The following WWOX variants were observed in gnomAD, a reference collection of about 807,000 sequenced individuals.
The protein encoded by WWOX is WW domain-containing oxidoreductase.
A neutral mutation model predicts 46.2 loss-of-function variants in WWOX; 69 were observed. That is an observed-to-expected ratio of 1.49 (90% confidence interval 1.23 to 1.82). WWOX has a LOEUF of 1.82. Ranked by LOEUF, WWOX falls within the 40% of genes most tolerant of loss-of-function variation. WWOX has a pLI of 0.00. For synonymous variants in WWOX, 359 were observed against 202.6 expected (o/e 1.77, Z -6.56); for missense variants, 919 against 542.6 (o/e 1.69, Z -6.89).
chr16:78,822,898 A>G (rs80149534), intron 8 of WWOX, among the ~76,000 whole-genome samples: 2,699 of 152,264 alleles, frequency 0.018, 74 homozygotes, highest in East Asian at 0.055. Flanking sequence ...AAGAAACATC[A>G]TAAAGGGGCT....
chr16:78,544,454 C>G lies in WWOX; in HGVS notation c.1056+111702C>G, dbSNP rs561071414. ...AGTTCCTCATTTGCAGATGAGGAAA[C>G]TGGCTGACTGAGTTAAATGAATGCC... On this transcript the variant is annotated intron_variant, in intron 8 of 8. Coordinates refer to ENST00000566780, the MANE Select transcript of WWOX (RefSeq NM_016373.4). 7.9e-5 allele frequency among the ~76,000 whole-genome samples: 12 copies of G among 152,306 alleles called. No homozygotes were observed. The South Asian group carries it at 2.5e-3, about 32-fold the overall frequency.
chr16:78,720,519 C>T (rs990148703), intron 8 of WWOX, among the ~76,000 whole-genome samples: 1 of 150,904 alleles, frequency 6.6e-6, no homozygotes, highest in African/African-American at 2.4e-5. Context: ...TCCTTAGGAC[C>T]CAGTTACTCT....
intron 8 of WWOX, among the ~76,000 whole-genome samples, chr16:78,665,634 G>C (rs1292020818): frequency 1.3e-5 from 2 of 152,040 alleles, no homozygotes; most frequent in Non-Finnish European, 2.9e-5. Context: ...CTAGTGGTAG[G>C]ACAAAAGCAA....
intron 8 of WWOX, among the ~76,000 whole-genome samples, chr16:78,796,082 G>C (rs1461226927): frequency 2.6e-5 from 4 of 152,208 alleles, no homozygotes; most frequent in Non-Finnish European, 5.9e-5. Flanking sequence ...GACTGGCTAA[G>C]AGAATGGCTC....
At position 78,357,920 on chromosome 16, in the gene WWOX, G is replaced by C. The variant is rs368585432; in HGVS notation, c.517-28940G>C. Among the ~76,000 whole-genome samples, 33 of 152,326 alleles carry C rather than the reference G, an allele frequency of 2.2e-4. No individual in the cohort carries two copies. In the South Asian group the frequency reaches 6.4e-3, roughly 30 times the overall value. ...CTGTGCCTGTTTTCTTGCCTAAGCG[G>C]TGGACGCATTGAGTAGGAGAAGGCC... On this transcript the variant is annotated intron_variant, in intron 5 of 8. Transcript: ENST00000566780.
chr16:78,800,867 A>C (rs1290835140), intron 8 of WWOX, among the ~76,000 whole-genome samples: 2 of 152,186 alleles, frequency 1.3e-5, no homozygotes, highest in Non-Finnish European at 2.9e-5. Context: ...GTCAACACTC[A>C]GTCTGATAGT....
chr16:78,772,338 T>C (rs987028341), intron 8 of WWOX, among the ~76,000 whole-genome samples: 1 of 152,246 alleles, frequency 6.6e-6, no homozygotes, highest in Non-Finnish European at 1.5e-5. Context: ...TAATGGCTTC[T>C]AGCCCCGTCC....
At chr16:79,050,231 G>T (rs1464666001) in intron 8 of WWOX, among the ~76,000 whole-genome samples, 3 of 152,104 alleles carry the variant, frequency 2.0e-5, no homozygotes, top group Non-Finnish European at 4.4e-5. Flanking sequence ...GTTTTGGTGG[G>T]GCTTCCCCCT....
chr16:78,851,279 T>G (rs898730096), intron 8 of WWOX, among the ~76,000 whole-genome samples: 1 of 152,162 alleles, frequency 6.6e-6, no homozygotes, highest in Non-Finnish European at 1.5e-5. Flanking sequence ...AACAATAATT[T>G]TCAACAGGAG....
At chr16:78,104,331 ACACGCACG>A (rs56307970) in intron 1 of WWOX, among the ~76,000 whole-genome samples, 33,599 of 149,406 alleles carry the variant, frequency 0.22, 4,563 homozygotes, top group Non-Finnish European at 0.3. Context: ...CTCAAAAAAC[ACACGCACG>A]CACGCACGCA....
intron 8 of WWOX, among the ~76,000 whole-genome samples, chr16:78,721,318 G>T (rs2048684188): frequency 6.6e-6 from 1 of 151,994 alleles, no homozygotes; most frequent in Admixed American, 6.6e-5. Flanking sequence ...TCTTCTTCAG[G>T]CTTTAAAGAT....
chr16:78,225,238 A>G (rs189150387), intron 5 of WWOX, among the ~76,000 whole-genome samples: 9 of 152,326 alleles, frequency 5.9e-5, no homozygotes, highest in African/African-American at 7.2e-5. Context: ...CAGTTGTAAT[A>G]CAATGGGACA....
chr16:79,172,901 G>T (rs1396667171), intron 8 of WWOX, among the ~76,000 whole-genome samples: 1 of 151,796 alleles, frequency 6.6e-6, no homozygotes, highest in Non-Finnish European at 1.5e-5. Flanking sequence ...TGCGCCTGTA[G>T]TCCCAGCTAC....
intron 8 of WWOX, among the ~76,000 whole-genome samples, chr16:79,177,755 A>C (rs1237634747): frequency 6.6e-6 from 1 of 152,230 alleles, no homozygotes; most frequent in African/African-American, 2.4e-5. Flanking sequence ...AGACTTTCTG[A>C]AAAGGGACAG....
At chr16:78,364,974 G>C (rs898908991) in intron 5 of WWOX, among the ~76,000 whole-genome samples, 1 of 152,146 alleles carries the variant, frequency 6.6e-6, no homozygotes, top group Non-Finnish European at 1.5e-5. Flanking sequence ...GTCTGTGATA[G>C]TCACAGCTGA....
chr16:78,998,073 T>A (rs2047024417), intron 8 of WWOX, among the ~76,000 whole-genome samples: 1 of 152,098 alleles, frequency 6.6e-6, no homozygotes, highest in Non-Finnish European at 1.5e-5. Context: ...ACAGGGTTTC[T>A]CCCTGTTGTT....
At chr16:79,159,879 A>G (rs1358447680) in intron 8 of WWOX, among the ~76,000 whole-genome samples, 1 of 152,104 alleles carries the variant, frequency 6.6e-6, no homozygotes, top group Non-Finnish European at 1.5e-5. Flanking sequence ...CTTGGGGTGT[A>G]TGCCGCACCT....
intron 8 of WWOX, among the ~76,000 whole-genome samples, chr16:79,187,748 G>T (rs565700510): frequency 5.9e-5 from 9 of 152,154 alleles, no homozygotes; most frequent in Non-Finnish European, 7.3e-5. Flanking sequence ...CACTATGTTG[G>T]CCAGGCTGGT....
At chr16:78,286,601 C>A (rs2079771228) in intron 5 of WWOX, among the ~76,000 whole-genome samples, 1 of 150,360 alleles carries the variant, frequency 6.7e-6, no homozygotes, top group African/African-American at 2.4e-5. Context: ...TTTTTTTTTT[C>A]CCCTAAGAAA....
Sources: allele counts gnomAD v4.1 joint callset (sites outside exome capture counted in the v4.1 genomes callset), GRCh38; gene constraint gnomAD v4.1.1; transcripts MANE v1.5; gene names NCBI Gene and HGNC (gene_info 2026-07-23, HGNC 2026-07-21).